The following FGD5 variants were observed in gnomAD, a reference collection of about 807,000 sequenced individuals.
FGD5 encodes the protein FYVE, RhoGEF and PH domain containing 5, also known as FYVE, RhoGEF and PH domain-containing protein 5.
Under a neutral mutation model 133.4 loss-of-function variants are expected in FGD5, and 28 were observed. The observed-to-expected ratio is 0.21, with a 90% CI of 0.16 to 0.29. FGD5 has a LOEUF of 0.29. Among genes scored for constraint, FGD5 ranks in the 10% least tolerant of loss-of-function variants. The pLI, the probability that FGD5 is intolerant of heterozygous loss-of-function variation, is 1.00. For missense variants in FGD5, 1,858 were observed against 1,895.2 expected (o/e 0.98, Z 0.36); for synonymous variants, 810 against 776.5 (o/e 1.04, Z -0.72).
intron 9 of FGD5, among the ~76,000 whole-genome samples, chr3:14,903,018 C>T (rs1429215649): frequency 1.3e-5 from 2 of 152,184 alleles, no homozygotes; most frequent in Non-Finnish European, 2.9e-5. Flanking sequence ...ACCAGAGGCC[C>T]CTAGCCCATG....
chr3:14,844,218 AT>A (rs1225664164), intron 1 of FGD5, among the ~76,000 whole-genome samples: 5,549 of 21,284 alleles, frequency 0.26, 981 homozygotes, highest in African/African-American at 0.35. Flanking sequence ...AAAAAAAAAA[AT>A]ATATATATAT....
intron 4 of FGD5, among the ~76,000 whole-genome samples, chr3:14,891,290 G>A (rs924162943): frequency 6.6e-6 from 1 of 152,136 alleles, no homozygotes; most frequent in African/African-American, 2.4e-5. Flanking sequence ...GCAGAAGTCA[G>A]AATTACCCAC....
Position 14,831,470 on chromosome 3 carries a change from C to T in FGD5, c.2525+9874C>T, listed in dbSNP as rs1257865504. ...TTCATCAAGCTGTGTGATTTTTAAG[C>T]GGCTGGGTCTCAGGCTGCTCTCCCA... On this transcript the variant is annotated intron_variant, in intron 1 of 19. Coordinates refer to ENST00000285046, the MANE Select transcript of FGD5 (RefSeq NM_152536.4). 5.3e-5 allele frequency among the ~76,000 whole-genome samples: 8 copies of T among 152,114 alleles called. No individual in the cohort carries two copies. In the East Asian group the frequency reaches 9.7e-4, roughly 18 times the overall value.
At chr3:14,811,562 G>C (rs1454003829) in intron 1 of FGD5, 1 of 152,580 alleles carries the variant, frequency 6.6e-6, no homozygotes, top group Non-Finnish European at 1.5e-5. Flanking sequence ...AGCCGCTCCA[G>C]GTTCCCCCAC....
At chr3:14,842,930 A>G (rs2036951958) in intron 1 of FGD5, among the ~76,000 whole-genome samples, 1 of 152,164 alleles carries the variant, frequency 6.6e-6, no homozygotes, top group Admixed American at 6.5e-5. Context: ...ACCTTGTCTA[A>G]GATAGATTGC....
At position 14,819,220 on chromosome 3, in the gene FGD5, C is replaced by G. The variant is rs2125066693; in HGVS notation, c.149C>G (p.Pro50Arg). Residue 50 changes from proline (P) to arginine (R), a missense_variant, in exon 1 of 20, where the codon CCC becomes CGC. Coordinates refer to ENST00000285046, the MANE Select transcript of FGD5 (RefSeq NM_152536.4). The surrounding 1 kb of genome is among the most constrained non-coding windows in gnomAD (Gnocchi z 4.1). ...GTAGACAGGGGGCTTGATGAGGGGC[C>G]CCGGTCCATCCCAAAGTGCTCTGAG... ...PCVDRGLDEG[P>R]RSIPKCSESE... 6.5e-7 allele frequency: 1 copy of G among 1,548,168 alleles called. No individual in the cohort carries two copies. The highest frequency in any genetic ancestry group is 2.4e-5 in the East Asian group (1 of 40,900).
At chr3:14,888,780 G>A (rs1330637119) in intron 4 of FGD5, among the ~76,000 whole-genome samples, 1 of 152,200 alleles carries the variant, frequency 6.6e-6, no homozygotes, top group Non-Finnish European at 1.5e-5. Context: ...TGTATTGGAT[G>A]ATGGAAGTGC....
chr3:14,873,963 G>A (rs1433885907), intron 2 of FGD5, among the ~76,000 whole-genome samples: 1 of 152,004 alleles, frequency 6.6e-6, no homozygotes, highest in African/African-American at 2.4e-5. Context: ...CTCAGGTGAT[G>A]CACCTGCCTT....
At chr3:14,879,564 C>T (rs968273866) in intron 2 of FGD5, among the ~76,000 whole-genome samples, 9 of 152,204 alleles carry the variant, frequency 5.9e-5, no homozygotes, top group Non-Finnish European at 8.8e-5. Context: ...AATGAATGTG[C>T]GCTCGCTCAC....
intron 4 of FGD5, among the ~76,000 whole-genome samples, chr3:14,894,869 T>A (rs1181470529): frequency 2.0e-5 from 3 of 152,148 alleles, no homozygotes; most frequent in African/African-American, 2.4e-5. Context: ...TTTGCCAACA[T>A]CTGTTATTGC....
intron 2 of FGD5, among the ~76,000 whole-genome samples, chr3:14,872,882 G>A (rs978323058): frequency 7.9e-5 from 12 of 152,216 alleles, no homozygotes; most frequent in Non-Finnish European, 1.8e-4. Flanking sequence ...GTCTGACGGT[G>A]GCTGAGCTGC....
intron 1 of FGD5, among the ~76,000 whole-genome samples, chr3:14,842,169 A>G (rs2036936865): frequency 6.6e-6 from 1 of 152,120 alleles, no homozygotes; most frequent in Non-Finnish European, 1.5e-5. Flanking sequence ...GTCCAAGGGG[A>G]GCTTCTCCTT....
intron 1 of FGD5, among the ~76,000 whole-genome samples, chr3:14,830,192 A>T (rs138992347): frequency 1.3e-5 from 2 of 152,198 alleles, no homozygotes; most frequent in East Asian, 1.9e-4. Flanking sequence ...ATTAAGTTTC[A>T]TTGAAAGGAC....
chr3:14,890,569 C>T (rs772194134), intron 4 of FGD5, among the ~76,000 whole-genome samples: 2 of 152,128 alleles, frequency 1.3e-5, no homozygotes, highest in African/African-American at 2.4e-5. Flanking sequence ...ACAGCAGAAC[C>T]CTTTCAGGGA....
intron 17 of FGD5, among the ~76,000 whole-genome samples, chr3:14,925,753 C>G (rs773429020): frequency 1.3e-5 from 2 of 152,186 alleles, no homozygotes; most frequent in African/African-American, 4.8e-5. Context: ...GAAGGAAGAA[C>G]CTTTCGCCGA....
chr3:14,838,701 T>C (rs756303661), intron 1 of FGD5, among the ~76,000 whole-genome samples: 1 of 152,170 alleles, frequency 6.6e-6, no homozygotes, highest in Middle Eastern at 3.2e-3. Flanking sequence ...TTCCTCTCCA[T>C]CTATGACCCT....
intron 1 of FGD5, chr3:14,810,967 A>C (rs1477974726): frequency 4.3e-6 from 4 of 929,542 alleles, no homozygotes; most frequent in Admixed American, 6.2e-5. Flanking sequence ...TAGCTGCCCG[A>C]AATCCTCCGA....
intron 1 of FGD5, among the ~76,000 whole-genome samples, chr3:14,836,992 G>T (rs1480318751): frequency 6.6e-6 from 1 of 152,178 alleles, no homozygotes; most frequent in African/African-American, 2.4e-5. Context: ...GAAGCACCCG[G>T]GTATAAGGGA....
chr3:14,860,365 A>G (rs929489952), intron 1 of FGD5, among the ~76,000 whole-genome samples: 2 of 152,238 alleles, frequency 1.3e-5, no homozygotes, highest in African/African-American at 4.8e-5. Context: ...CACATTTCTA[A>G]TGGTGACTTA....
Sources: allele counts gnomAD v4.1 joint callset (sites outside exome capture counted in the v4.1 genomes callset), GRCh38; gene constraint gnomAD v4.1.1; non-coding constraint Gnocchi (gnomAD v3.1); transcripts MANE v1.5; gene names NCBI Gene and HGNC (gene_info 2026-07-23, HGNC 2026-07-21).